LHPP: variants seen among roughly 807,000 people sequenced by gnomAD.
LHPP encodes the protein hLHPP.
Under a neutral mutation model 30.3 loss-of-function variants are expected in LHPP, and 24 were observed. The observed-to-expected ratio is 0.79, with a 90% CI of 0.57 to 1.11. LHPP has a LOEUF of 1.11. Ranked by LOEUF, LHPP falls within the 50% of genes most tolerant of loss-of-function variation. LHPP has a pLI of 0.00. For synonymous variants in LHPP, 150 were observed against 157.1 expected (o/e 0.95, Z 0.34); for missense variants, 356 against 367.2 (o/e 0.97, Z 0.25).
intron 6 of LHPP, among the ~76,000 whole-genome samples, chr10:124,552,260 T>C (rs1948182153): frequency 6.6e-6 from 1 of 152,140 alleles, no homozygotes; most frequent in Non-Finnish European, 1.5e-5. Context: ...CGGATCCCCA[T>C]TACGGAAACG....
chr10:124,605,680 C>T (rs916947046), intron 6 of LHPP, among the ~76,000 whole-genome samples: 2 of 152,092 alleles, frequency 1.3e-5, no homozygotes, highest in Non-Finnish European at 2.9e-5. Flanking sequence ...AGGTGGGGCC[C>T]AGTCAGGATG....
intron 6 of LHPP, among the ~76,000 whole-genome samples, chr10:124,563,850 C>T (rs1347469302): frequency 5.3e-5 from 8 of 152,168 alleles, no homozygotes; most frequent in East Asian, 1.9e-4. Context: ...ACAAGCATGC[C>T]GCTGGGAGAA....
intron 1 of LHPP, among the ~76,000 whole-genome samples, chr10:124,483,726 C>T (rs1270773903): frequency 6.6e-6 from 1 of 151,898 alleles, no homozygotes; most frequent in Non-Finnish European, 1.5e-5. Flanking sequence ...CACTGCACTC[C>T]AGCCTGGGCG....
At chr10:124,521,154 G>T (rs917402403) in intron 6 of LHPP, among the ~76,000 whole-genome samples, 1 of 152,138 alleles carries the variant, frequency 6.6e-6, no homozygotes, top group Non-Finnish European at 1.5e-5. Flanking sequence ...ATGGGGCCTC[G>T]CTCTCTGGAG....
intron 5 of LHPP, among the ~76,000 whole-genome samples, chr10:124,501,592 ACT>A (rs1212679590): frequency 7.0e-6 from 1 of 142,846 alleles, no homozygotes; most frequent in Non-Finnish European, 1.5e-5. Flanking sequence ...ACAGAGCCAG[ACT>A]CTGTCTTAAA....
At chr10:124,546,645 C>T (rs60140373) in intron 6 of LHPP, among the ~76,000 whole-genome samples, 9,072 of 152,004 alleles carry the variant, frequency 0.06, 542 homozygotes, top group East Asian at 0.23. Context: ...CTCCTGACCT[C>T]ATGATCCGCC....
At chr10:124,475,281 C>T (rs1218542334) in intron 1 of LHPP, among the ~76,000 whole-genome samples, 1 of 151,742 alleles carries the variant, frequency 6.6e-6, no homozygotes, top group South Asian at 2.1e-4. Flanking sequence ...GTGACCCACC[C>T]GCCTTGGCCT....
At chr10:124,484,720 A>G (rs1953266653) in intron 2 of LHPP, among the ~76,000 whole-genome samples, 1 of 152,018 alleles carries the variant, frequency 6.6e-6, no homozygotes, top group Admixed American at 6.6e-5. Flanking sequence ...GAATGAATGA[A>G]TATAAATGAG....
At chr10:124,568,723 A>AGAG (rs1948535207) in intron 6 of LHPP, among the ~76,000 whole-genome samples, 1 of 152,192 alleles carries the variant, frequency 6.6e-6, no homozygotes, top group Non-Finnish European at 1.5e-5. Flanking sequence ...TAGACCTGTG[A>AGAG]GAGGAGACTG....
At chr10:124,476,358 G>A (rs1431817673) in intron 1 of LHPP, among the ~76,000 whole-genome samples, 1 of 152,226 alleles carries the variant, frequency 6.6e-6, no homozygotes, top group African/African-American at 2.4e-5. Flanking sequence ...AGGAGGCTCA[G>A]CTGGAGCCAG....
intron 6 of LHPP, among the ~76,000 whole-genome samples, chr10:124,536,943 C>T (rs1403456586): frequency 6.6e-6 from 1 of 152,066 alleles, no homozygotes; most frequent in African/African-American, 2.4e-5. Context: ...GCCCAGGCTC[C>T]CCGACCTCTC....
intron 4 of LHPP, among the ~76,000 whole-genome samples, 168 bp from the exon 5 acceptor site, chr10:124,497,868 C>G (rs565310264): frequency 6.6e-6 from 1 of 152,168 alleles, no homozygotes; most frequent in African/African-American, 2.4e-5. Flanking sequence ...GCAGCCCTTT[C>G]TGGAGTTGTG....
intron 6 of LHPP, among the ~76,000 whole-genome samples, chr10:124,518,669 G>A (rs1954527753): frequency 6.6e-6 from 1 of 152,210 alleles, no homozygotes; most frequent in South Asian, 2.1e-4. Context: ...CCAGTTCCTT[G>A]GAGGAGAAAC....
intron 1 of LHPP, among the ~76,000 whole-genome samples, chr10:124,463,260 C>A (rs1589744537): frequency 6.6e-6 from 1 of 151,766 alleles, no homozygotes; most frequent in South Asian, 2.1e-4. Context: ...TATTAGAAAA[C>A]TTTAAATTAC....
chr10:124,595,332 G>C (rs1418534011), intron 6 of LHPP, among the ~76,000 whole-genome samples: 3 of 152,228 alleles, frequency 2.0e-5, no homozygotes, highest in African/African-American at 7.2e-5. Context: ...CCCAGAGCCC[G>C]GTTGTCCCCC....
At chr10:124,492,207 T>A (rs1221510262) in intron 3 of LHPP, among the ~76,000 whole-genome samples, 1 of 152,236 alleles carries the variant, frequency 6.6e-6, no homozygotes, top group Admixed American at 6.5e-5. Flanking sequence ...AGTAGAGAAG[T>A]ACTTCTTCAC....
chr10:124,568,214 G>C (rs922206262), intron 6 of LHPP, among the ~76,000 whole-genome samples: 3 of 152,150 alleles, frequency 2.0e-5, no homozygotes, highest in Non-Finnish European at 4.4e-5. Context: ...ATGCCCGGCT[G>C]GTTCTTATTT....
intron 5 of LHPP, among the ~76,000 whole-genome samples, chr10:124,506,965 C>CAG (rs1256680053): frequency 4.6e-4 from 2 of 4,308 alleles, no homozygotes; most frequent in Non-Finnish European, 7.9e-4. Context: ...TTCAGGTGGG[C>CAG]GGGTAGACAG....
intron 6 of LHPP, among the ~76,000 whole-genome samples, chr10:124,599,308 G>A (rs551004211): frequency 6.6e-6 from 1 of 151,886 alleles, no homozygotes; most frequent in Admixed American, 6.5e-5. Context: ...CCACCCAGGC[G>A]AGCACCTGCC....
Sources: allele counts gnomAD v4.1 joint callset (sites outside exome capture counted in the v4.1 genomes callset), GRCh38; gene constraint gnomAD v4.1.1; transcripts MANE v1.5; gene names NCBI Gene and HGNC (gene_info 2026-07-23, HGNC 2026-07-21).